Variants in SGCZ observed in about 807,000 individuals in gnomAD.
SGCZ encodes the protein sarcoglycan zeta.
In SGCZ, 40 loss-of-function variants were observed where a neutral mutation model predicts 41.3. That is an observed-to-expected ratio of 0.97 (90% CI 0.75 to 1.26). The LOEUF (loss-of-function observed/expected upper bound fraction) is 1.26. Ranked by LOEUF, SGCZ falls within the 50% of genes most tolerant of loss-of-function variation. The probability of loss-of-function intolerance (pLI) is 0.00; values close to 1 mark genes in which losing one functional copy is unlikely to be tolerated. For synonymous variants in SGCZ, 206 were observed against 137.5 expected, an observed-to-expected ratio of 1.50 and a Z score of -3.49; for missense variants, 552 against 369.8, an observed-to-expected ratio of 1.49 and a Z score of -4.04.
intron 5 of SGCZ, among the ~76,000 whole-genome samples, chr8:14,142,170 G>T (rs767408446): frequency 5.3e-5 from 8 of 152,138 alleles, no homozygotes; most frequent in Non-Finnish European, 8.8e-5. Context: ...CCTGTCGAGG[G>T]GTGGAGGCAT....
At chr8:14,149,656 G>GAAA (rs35798060) in intron 5 of SGCZ, among the ~76,000 whole-genome samples, 11 of 140,480 alleles carry the variant, frequency 7.8e-5, no homozygotes, top group East Asian at 2.1e-4. Flanking sequence ...TTCTTCATAG[G>GAAA]AAAAAAAAAA....
intron 2 of SGCZ, among the ~76,000 whole-genome samples, chr8:14,363,401 C>T (rs975896795): frequency 2.0e-5 from 3 of 152,056 alleles, no homozygotes; most frequent in African/African-American, 7.2e-5. Context: ...TACGATATGG[C>T]ACTATTTAAT....
chr8:14,394,044 T>C (rs1255371202), intron 2 of SGCZ, among the ~76,000 whole-genome samples: 2 of 152,158 alleles, frequency 1.3e-5, no homozygotes, highest in African/African-American at 2.4e-5. Flanking sequence ...TGATGAGTTT[T>C]ATTTAAAACA....
chr8:14,109,895 T>C (rs1277695916), intron 5 of SGCZ, among the ~76,000 whole-genome samples: 1 of 152,204 alleles, frequency 6.6e-6, no homozygotes, highest in East Asian at 1.9e-4. Context: ...TTTCTGTTTA[T>C]AAGCTAAAAG....
intron 4 of SGCZ, among the ~76,000 whole-genome samples, chr8:14,171,810 G>A (rs1388038558): frequency 1.3e-5 from 2 of 151,878 alleles, no homozygotes; most frequent in African/African-American, 4.8e-5. Flanking sequence ...ATTATTCTAT[G>A]TTTCATCTTG....
intron 1 of SGCZ, among the ~76,000 whole-genome samples, chr8:14,591,132 C>T (rs1204447777): frequency 6.6e-6 from 1 of 151,398 alleles, no homozygotes; most frequent in Admixed American, 6.6e-5. Context: ...TATTCAATGT[C>T]TTTTATTTTC....
chr8:14,135,270 A>T (rs1803161470), intron 5 of SGCZ, among the ~76,000 whole-genome samples: 1 of 152,226 alleles, frequency 6.6e-6, no homozygotes, highest in African/African-American at 2.4e-5. Context: ...TAATATTTTG[A>T]ATTATTTCAC....
At chr8:14,922,464 T>G (rs1401868015) in intron 1 of SGCZ, among the ~76,000 whole-genome samples, 1 of 152,302 alleles carries the variant, frequency 6.6e-6, no homozygotes, top group Admixed American at 6.5e-5. Context: ...TATTTATTGT[T>G]ATTTTTTGAG....
chr8:15,002,192 T>C (rs930692509), intron 1 of SGCZ, among the ~76,000 whole-genome samples: 6 of 115,302 alleles, frequency 5.2e-5, no homozygotes, highest in African/African-American at 9.1e-5. Flanking sequence ...CTTAAGAATA[T>C]AGTCAGCTCT....
At chr8:14,387,547 A>C (rs1243962574) in intron 2 of SGCZ, among the ~76,000 whole-genome samples, 3 of 152,144 alleles carry the variant, frequency 2.0e-5, no homozygotes, top group Admixed American at 2.0e-4. Flanking sequence ...ATGTTGCAAG[A>C]GTTATTATTC....
At chr8:14,649,877 C>G (rs1023512128) in intron 1 of SGCZ, among the ~76,000 whole-genome samples, 1 of 151,952 alleles carries the variant, frequency 6.6e-6, no homozygotes, top group Non-Finnish European at 1.5e-5. Context: ...TGGAACCAGT[C>G]AGCCTAGAAA....
At chr8:14,865,767 T>C (rs1803910501) in intron 1 of SGCZ, among the ~76,000 whole-genome samples, 1 of 152,128 alleles carries the variant, frequency 6.6e-6, no homozygotes, top group South Asian at 2.1e-4. Flanking sequence ...CCTCTTTCTT[T>C]TTTACAAGCA....
chr8:14,127,247 G>A (rs1211820465), intron 5 of SGCZ, among the ~76,000 whole-genome samples: 1 of 152,152 alleles, frequency 6.6e-6, no homozygotes, highest in Non-Finnish European at 1.5e-5. Context: ...TTCTGCCACT[G>A]ATAGCTGTGT....
intron 5 of SGCZ, among the ~76,000 whole-genome samples, chr8:14,156,440 G>A (rs1196336368): frequency 2.0e-5 from 3 of 152,058 alleles, no homozygotes; most frequent in African/African-American, 7.2e-5. Flanking sequence ...CAGCCTGGGT[G>A]ACGGAGTGAG....
intron 1 of SGCZ, among the ~76,000 whole-genome samples, chr8:14,687,191 T>A (rs1585182637): frequency 6.8e-6 from 1 of 147,042 alleles, no homozygotes; most frequent in East Asian, 2.0e-4. Context: ...TATATATATA[T>A]TTTAATTTTA....
intron 1 of SGCZ, among the ~76,000 whole-genome samples, chr8:14,735,616 C>T (rs1254724487): frequency 6.6e-6 from 1 of 152,148 alleles, no homozygotes; most frequent in East Asian, 1.9e-4. Flanking sequence ...CTAATGGCCT[C>T]CTACCTCCTC....
intron 1 of SGCZ, among the ~76,000 whole-genome samples, chr8:14,847,184 A>G (rs1381252086): frequency 2.7e-5 from 4 of 148,026 alleles, no homozygotes; most frequent in Non-Finnish European, 4.4e-5. Flanking sequence ...GAAGAAGAAG[A>G]AGAGAAAAAT....
At chr8:14,558,713 A>G (rs1419042643) in intron 1 of SGCZ, among the ~76,000 whole-genome samples, 4 of 152,198 alleles carry the variant, frequency 2.6e-5, no homozygotes, top group African/African-American at 9.6e-5. Flanking sequence ...AATATCCCTC[A>G]TAAACATAGA....
At chr8:15,110,254 C>G (rs147537814) in intron 1 of SGCZ, among the ~76,000 whole-genome samples, 2 of 152,256 alleles carry the variant, frequency 1.3e-5, no homozygotes, top group East Asian at 3.9e-4. Flanking sequence ...TACCTCAGAA[C>G]TCCACCATTG....
Sources: allele counts gnomAD v4.1 joint callset (sites outside exome capture counted in the v4.1 genomes callset), GRCh38; gene constraint gnomAD v4.1.1; transcripts MANE v1.5; gene names NCBI Gene and HGNC (gene_info 2026-07-23, HGNC 2026-07-21).